CCDC122: variants seen among roughly 807,000 people sequenced by gnomAD.
CCDC122 encodes the protein coiled-coil domain-containing protein 122.
A neutral mutation model predicts 37.0 loss-of-function variants in CCDC122; 38 were observed. The observed-to-expected ratio is 1.03, with a 90% CI of 0.79 to 1.35. The LOEUF is 1.35. CCDC122 is among the 40% of genes most tolerant of loss of function. The pLI, the probability that CCDC122 is intolerant of heterozygous loss-of-function variation, is 0.00. For synonymous variants in CCDC122, 83 were observed against 95.6 expected, an observed-to-expected ratio of 0.87 and a Z score of 0.77; for missense variants, 305 against 310.0, an observed-to-expected ratio of 0.98 and a Z score of 0.12.
At chr13:43,843,491 A>G (rs1953423685) in intron 6 of CCDC122, among the ~76,000 whole-genome samples, 1 of 151,958 alleles carries the variant, frequency 6.6e-6, no homozygotes, top group Non-Finnish European at 1.5e-5. Context: ...ATCTATACTC[A>G]TGAGGGACAT....
At chr13:43,829,548 T>C (rs1005942334) in intron 3 of CCDC122, among the ~76,000 whole-genome samples, 2 of 152,020 alleles carry the variant, frequency 1.3e-5, no homozygotes, top group African/African-American at 4.8e-5. Context: ...TCAAGTGATC[T>C]GCCTGCCTTG....
At chr13:43,819,346 C>G (rs1281232715), downstream of CCDC122, among the ~76,000 whole-genome samples, 1 of 152,090 alleles carries the variant, frequency 6.6e-6, no homozygotes, top group Non-Finnish European at 1.5e-5. Flanking sequence ...GGAGTCTATT[C>G]CAAAGATATA....
intron 6 of CCDC122, among the ~76,000 whole-genome samples, chr13:43,839,128 G>A (rs1180348350): frequency 2.0e-5 from 3 of 152,130 alleles, no homozygotes; most frequent in Admixed American, 2.0e-4. Flanking sequence ...ATTAGTAGGG[G>A]TGGAGGCCAA....
downstream of CCDC122, among the ~76,000 whole-genome samples, chr13:43,822,330 T>C (rs1953000092): frequency 6.6e-6 from 1 of 152,206 alleles, no homozygotes; most frequent in Non-Finnish European, 1.5e-5. Flanking sequence ...CTGAGTTCCC[T>C]GAAACTGGGG....
downstream of CCDC122, among the ~76,000 whole-genome samples, chr13:43,832,089 A>G (rs1193165477): frequency 6.7e-6 from 1 of 150,360 alleles, no homozygotes; most frequent in African/African-American, 2.4e-5. Flanking sequence ...AGCTAATGTG[A>G]TATAGAAGAC....
intron 6 of CCDC122, among the ~76,000 whole-genome samples, chr13:43,856,924 G>C (rs908404279): frequency 7.0e-6 from 1 of 143,676 alleles, no homozygotes; most frequent in Non-Finnish European, 1.5e-5. Flanking sequence ...TTACTCTTAT[G>C]ACAATTATAC....
At chr13:43,826,999 C>T (rs9533639) in intron 3 of CCDC122, among the ~76,000 whole-genome samples, 12,568 of 152,032 alleles carry the variant, frequency 0.083, 601 homozygotes, top group African/African-American at 0.1. Context: ...AAGAATTTTC[C>T]TTTCTCTTCC....
Position 43,869,506 on chromosome 13 carries a change from T to C in CCDC122, c.-113-17A>G. The C allele has an allele frequency of 3.1e-6, 2 of 648,032 alleles. No individual in the cohort carries two copies. Among genetic ancestry groups the C allele is most frequent in the Non-Finnish European group, 5.2e-6 (2 of 385,230 alleles). The allele number at this position is 648,032 out of a possible 1,614,324, so 40.1% of individuals were successfully genotyped here. A position where few individuals can be genotyped will look rare whatever the true frequency, so the allele number is the denominator to read the frequency against. On this transcript the variant is annotated splice_polypyrimidine_tract_variant and intron_variant, in intron 2 of 6. Coordinates refer to ENST00000444614, the MANE Select transcript of CCDC122 (RefSeq NM_144974.5). ...TTGGTGATCCTGAAAGGTAAATTAATTGTCAAACATGTCACAGGGATGTCA... is the reference window on the plus strand; with the variant it reads ...TTGGTGATCCTGAAAGGTAAATTAACTGTCAAACATGTCACAGGGATGTCA...
intron 3 of CCDC122, among the ~76,000 whole-genome samples, chr13:43,825,640 T>G (rs1266882043): frequency 1.3e-5 from 2 of 151,972 alleles, no homozygotes; most frequent in Non-Finnish European, 2.9e-5. Flanking sequence ...CGTGGTGGTG[T>G]GCGCTTGTAG....
chr13:43,873,221 T>A (rs930427660), intron 2 of CCDC122, among the ~76,000 whole-genome samples: 1 of 152,110 alleles, frequency 6.6e-6, no homozygotes, highest in Non-Finnish European at 1.5e-5. Flanking sequence ...AAAATCCACC[T>A]ATAGGCTGAC....
intron 2 of CCDC122, among the ~76,000 whole-genome samples, chr13:43,871,589 T>C (rs1954455350): frequency 6.6e-6 from 1 of 152,130 alleles, no homozygotes; most frequent in Admixed American, 6.6e-5. Context: ...TGATGCTGTA[T>C]TACCCACTCC....
chr13:43,861,118 G>C (rs925654818), intron 4 of CCDC122, among the ~76,000 whole-genome samples: 4 of 152,168 alleles, frequency 2.6e-5, no homozygotes, highest in African/African-American at 9.7e-5. Flanking sequence ...ATTGTAAGAT[G>C]ATTTAAATTG....
rs1953169387 is a variant in CCDC122, at chr13:43,836,647, G to A, written c.*633C>T. On this transcript the variant is annotated 3_prime_UTR_variant, in exon 7 of 7. Coordinates refer to ENST00000444614, the MANE Select transcript of CCDC122 (RefSeq NM_144974.5). ...GGGTGGATCATGAGGTCAGGAGATC[G>A]AGACCATCCTGGCTAACAAGGTGAA... 6.6e-6 allele frequency: 1 copy of A among 151,098 alleles called. No individual in the cohort carries two copies. The highest frequency in any genetic ancestry group is 2.4e-5 in the African/African-American group (1 of 41,166). The allele number at this position is 151,098 out of a possible 1,614,324, so 9.4% of individuals were successfully genotyped here.
chr13:43,840,627 A>G (rs1214784822), intron 6 of CCDC122, among the ~76,000 whole-genome samples: 1 of 151,984 alleles, frequency 6.6e-6, no homozygotes, highest in African/African-American at 2.4e-5. Flanking sequence ...GAGTGAGAAC[A>G]TGCGGTGTTT....
At chr13:43,851,324 C>T (rs74068097) in intron 6 of CCDC122, among the ~76,000 whole-genome samples, 1,549 of 152,240 alleles carry the variant, frequency 0.01, 23 homozygotes, top group African/African-American at 0.035. Context: ...GTACAAAATT[C>T]TTTGTGAGGT....
intron 1 of CCDC122, among the ~76,000 whole-genome samples, chr13:43,876,943 T>C (rs1193715971): frequency 3.9e-5 from 6 of 152,028 alleles, no homozygotes; most frequent in Non-Finnish European, 5.9e-5. Flanking sequence ...AAACCCCGTC[T>C]CTACTAAAAA....
At chr13:43,874,601 C>T (rs1227200839) in intron 2 of CCDC122, among the ~76,000 whole-genome samples, 3 of 152,086 alleles carry the variant, frequency 2.0e-5, no homozygotes, top group African/African-American at 7.2e-5. Flanking sequence ...ACCAAATATT[C>T]ATAAAATTCA....
At chr13:43,860,120 A>C in intron 4 of CCDC122, 50 bp from the exon 5 acceptor site, 1 of 1,007,586 alleles carries the variant, frequency 9.9e-7, no homozygotes, top group South Asian at 3.1e-5. Context: ...ATTAAACATG[A>C]GAGGAAAATC....
At position 43,873,870 on chromosome 13, in the gene CCDC122, A is replaced by ATGTAGAAGG. The variant is rs1346330301; in HGVS notation, c.-114+971_-114+972insCCTTCTACA. 3.3e-5 allele frequency among the ~76,000 whole-genome samples: 5 copies of ATGTAGAAGG among 152,102 alleles called. No individual in the cohort carries two copies. In the East Asian group the frequency reaches 9.6e-4, roughly 29 times the overall value. ...CACGTCTTTTCCATATCCTTCTACT[A>ATGTAGAAGG]ATGTAAGCTCCATGATGGCAGATGT... On this transcript the variant is annotated intron_variant, in intron 2 of 6. Transcript: ENST00000444614.
Sources: allele counts gnomAD v4.1 joint callset (sites outside exome capture counted in the v4.1 genomes callset), GRCh38; gene constraint gnomAD v4.1.1; transcripts MANE v1.5; gene names NCBI Gene and HGNC (gene_info 2026-07-23, HGNC 2026-07-21).